The following PTPRD variants were observed in gnomAD, a reference collection of about 807,000 sequenced individuals.
PTPRD encodes the protein receptor-type tyrosine-protein phosphatase delta.
A neutral mutation model predicts 214.5 loss-of-function variants in PTPRD; 34 were observed. The ratio of observed to expected loss-of-function variants is 0.16; its 90% CI spans 0.12 to 0.21. PTPRD has a LOEUF of 0.21. Ranked by LOEUF, PTPRD falls within the 10% of genes least tolerant of loss-of-function variation. The pLI is 1.00. For synonymous variants in PTPRD, 1,128 were observed against 845.7 expected, an observed-to-expected ratio of 1.33 and a Z score of -5.79; for missense variants, 2,545 against 2,398.7, an observed-to-expected ratio of 1.06 and a Z score of -1.27.
intron 3 of PTPRD, among the ~76,000 whole-genome samples, chr9:10,239,597 T>G (rs6474535): frequency 0.76 from 115,124 of 151,744 alleles, 44,177 homozygotes; most frequent in East Asian, 0.89. Flanking sequence ...ATAGGGTTGA[T>G]AACAGCTGTG....
chr9:8,896,932 C>T (rs12684971), intron 11 of PTPRD, among the ~76,000 whole-genome samples: 23,316 of 152,060 alleles, frequency 0.15, 2,377 homozygotes, highest in East Asian at 0.32. Context: ...AGAAAGAGAA[C>T]TGTAGATTAG....
In PTPRD at chr9:10,487,966, G is replaced by GTCTCTCTCTCTCTCTCTCTC. The variant is rs56372955; in HGVS notation, c.-600+124412_-600+124431dup. Among the ~76,000 whole-genome samples, 477 of 110,288 alleles carry GTCTCTCTCTCTCTCTCTCTC rather than the reference G, an allele frequency of 4.3e-3. 40 individuals carry two copies. Among genetic ancestry groups the GTCTCTCTCTCTCTCTCTCTC allele is most frequent in the African/African-American group, 0.017 (447 of 25,912 alleles). The allele number at this position is 110,288 out of a possible 152,430, so 72.4% of individuals were successfully genotyped here. ...CCTTAATTTCTCCCAAATGAACACA[G>GTCTCTCTCTCTCTCTCTCTC]TCTCTCTCTCTCTCTCTCTCTCTCT... On this transcript the variant is annotated intron_variant, in intron 2 of 45. Transcript: ENST00000381196.
chr9:8,919,975 T>C (rs979082045), intron 11 of PTPRD, among the ~76,000 whole-genome samples: 2 of 149,462 alleles, frequency 1.3e-5, no homozygotes, highest in African/African-American at 4.9e-5. Context: ...TATGCATGTA[T>C]TGTCTTGTTA....
At chr9:9,450,369 C>A (rs2091806657) in intron 8 of PTPRD, among the ~76,000 whole-genome samples, 1 of 151,840 alleles carries the variant, frequency 6.6e-6, no homozygotes, top group Non-Finnish European at 1.5e-5. Flanking sequence ...GTTGTACTAG[C>A]AACATTCCCA....
intron 5 of PTPRD, among the ~76,000 whole-genome samples, chr9:9,778,585 G>A (rs1204759034): frequency 1.3e-5 from 2 of 152,156 alleles, no homozygotes; most frequent in African/African-American, 4.8e-5. Context: ...CCTGCTGTCT[G>A]TCTGCCCCTC....
At chr9:10,019,789 G>T (rs1390740114) in intron 4 of PTPRD, among the ~76,000 whole-genome samples, 3 of 148,296 alleles carry the variant, frequency 2.0e-5, no homozygotes, top group African/African-American at 4.9e-5. Context: ...GGGTGGGGGG[G>T]AGCTGGGAGG....
intron 3 of PTPRD, among the ~76,000 whole-genome samples, chr9:10,236,632 A>G (rs1368020537): frequency 6.6e-6 from 1 of 151,880 alleles, no homozygotes; most frequent in East Asian, 1.9e-4. Context: ...ATGGTGGATC[A>G]TTCTGCAAAA....
chr9:9,463,021 C>T (rs1292590399), intron 8 of PTPRD, among the ~76,000 whole-genome samples: 1 of 152,020 alleles, frequency 6.6e-6, no homozygotes, highest in Non-Finnish European at 1.5e-5. Context: ...TTGTTTGTGG[C>T]ATCTAGTTTC....
At chr9:8,626,052 T>A (rs2096021197) in intron 14 of PTPRD, among the ~76,000 whole-genome samples, 1 of 151,802 alleles carries the variant, frequency 6.6e-6, no homozygotes, top group Non-Finnish European at 1.5e-5. Flanking sequence ...AAACCCTAGA[T>A]GAGGCATTTG....
chr9:9,357,424 G>A (rs1373229951), intron 9 of PTPRD, among the ~76,000 whole-genome samples: 1 of 150,338 alleles, frequency 6.7e-6, no homozygotes, highest in Non-Finnish European at 1.5e-5. Context: ...GTCACATGGA[G>A]GATGATCTTG....
intron 12 of PTPRD, among the ~76,000 whole-genome samples, chr9:8,678,714 G>C (rs183338325): frequency 3.1e-4 from 47 of 152,216 alleles, no homozygotes; most frequent in Admixed American, 6.5e-4. Context: ...ACTGTGTTTT[G>C]CAATGGTTTG....
intron 32 of PTPRD, 111 bp from the exon 33 acceptor site, chr9:8,460,682 G>A: frequency 1.9e-6 from 2 of 1,070,480 alleles, no homozygotes; most frequent in East Asian, 2.6e-5. Flanking sequence ...AATGATAAGT[G>A]TGTGATGCAA....
intron 14 of PTPRD, among the ~76,000 whole-genome samples, chr9:8,573,933 T>C (rs1239658554): frequency 6.6e-6 from 1 of 152,010 alleles, no homozygotes; most frequent in East Asian, 1.9e-4. Flanking sequence ...CTCTAATGCA[T>C]ATTTTAACTT....
intron 4 of PTPRD, among the ~76,000 whole-genome samples, chr9:9,960,496 G>A (rs936509280): frequency 3.3e-5 from 5 of 152,158 alleles, no homozygotes; most frequent in Non-Finnish European, 7.3e-5. Flanking sequence ...TAGCAGTGGA[G>A]AAACCTGACA....
intron 11 of PTPRD, among the ~76,000 whole-genome samples, chr9:8,780,145 C>T (rs189069034): frequency 2.7e-4 from 41 of 152,134 alleles, no homozygotes; most frequent in Admixed American, 1.3e-3. Context: ...GGAAATAAAA[C>T]GACTCTAAAT....
intron 8 of PTPRD, among the ~76,000 whole-genome samples, chr9:9,535,131 ACT>A (rs2076257386): frequency 6.6e-6 from 1 of 152,004 alleles, no homozygotes; most frequent in South Asian, 2.1e-4. Flanking sequence ...GGACTGACAC[ACT>A]CTGCCTCGTG....
In PTPRD at chr9:8,339,768, T is replaced by G. The variant is rs1343814076; in HGVS notation, c.5253+575A>C. Among the ~76,000 whole-genome samples the G allele has an allele frequency of 4.6e-5, 7 of 151,822 alleles. No homozygotes were observed. The South Asian group carries it at 1.5e-3, about 31-fold the overall frequency. On this transcript the variant is annotated intron_variant, in intron 42 of 45. Coordinates refer to ENST00000381196, the MANE Select transcript of PTPRD (RefSeq NM_002839.4). ...AGAGGTATCTCTAAATAATATTAGG[T>G]CATAGTGGTAGAGCAGTATTAATAG... is the stretch of plus-strand genomic sequence containing the variant.
In PTPRD at chr9:8,375,523, T is replaced by C. The variant is rs1010134188; in HGVS notation, c.4661+413A>G. On this transcript the variant is annotated intron_variant, in intron 39 of 45. Transcript: ENST00000381196. ...TCCCTAAAGCTTGTATGATATATTA[T>C]TATTTTGTTCAGTAATTTTTTTCCC... Among the ~76,000 whole-genome samples, 11 of 152,052 alleles carry C rather than the reference T, an allele frequency of 7.2e-5. No individual in the cohort carries two copies. In the South Asian group the frequency reaches 2.3e-3, roughly 31 times the overall value.
chr9:10,339,301 A>G (rs1182308872), intron 3 of PTPRD, among the ~76,000 whole-genome samples: 1 of 151,758 alleles, frequency 6.6e-6, no homozygotes, highest in Non-Finnish European at 1.5e-5. Context: ...AGGCTTTTTC[A>G]TTGTTGTTCT....
Sources: gnomAD v4.1 joint callset for allele counts (sites outside exome capture counted in the v4.1 genomes callset) on GRCh38, gnomAD v4.1.1 for gene constraint, MANE v1.5 for transcripts, NCBI Gene and HGNC (gene_info 2026-07-23, HGNC 2026-07-21) for gene names.